EXOC4: variants seen among roughly 807,000 people sequenced by gnomAD.
EXOC4 encodes the protein exocyst complex component 4.
Under a neutral mutation model 107.2 loss-of-function variants are expected in EXOC4, and 71 were observed. The observed-to-expected ratio is 0.66, with a 90% CI of 0.55 to 0.81. EXOC4 has a LOEUF of 0.81. EXOC4 is among the 30% of genes least tolerant of loss of function. The probability of loss-of-function intolerance (pLI) is 0.00; values close to 1 mark genes in which losing one functional copy is unlikely to be tolerated. For synonymous variants in EXOC4, 456 were observed against 441.2 expected, an observed-to-expected ratio of 1.03 and a Z score of -0.42; for missense variants, 1,108 against 1,189.6, an observed-to-expected ratio of 0.93 and a Z score of 1.01.
At chr7:133,450,736 A>G (rs145614407) in intron 7 of EXOC4, among the ~76,000 whole-genome samples, 6 of 152,338 alleles carry the variant, frequency 3.9e-5, no homozygotes, top group Admixed American at 6.5e-5. Flanking sequence ...CTGTATCACT[A>G]TCTGGCTTCC....
intron 10 of EXOC4, among the ~76,000 whole-genome samples, chr7:133,715,683 T>C (rs1794985641): frequency 6.6e-6 from 1 of 152,170 alleles, no homozygotes; most frequent in Non-Finnish European, 1.5e-5. Flanking sequence ...CTGACCACTT[T>C]CTACCTCTTC....
At chr7:133,721,428 T>G (rs1795102634) in intron 10 of EXOC4, among the ~76,000 whole-genome samples, 1 of 152,158 alleles carries the variant, frequency 6.6e-6, no homozygotes. Flanking sequence ...GGGTGGTGTG[T>G]CAGAAAAACG....
chr7:133,586,638 A>G (rs751060272), intron 9 of EXOC4, among the ~76,000 whole-genome samples: 6 of 152,208 alleles, frequency 3.9e-5, no homozygotes, highest in East Asian at 1.9e-4. Flanking sequence ...TATATACCCA[A>G]TAATGGGATT....
At chr7:133,766,730 A>G (rs1796145485) in intron 10 of EXOC4, among the ~76,000 whole-genome samples, 1 of 152,028 alleles carries the variant, frequency 6.6e-6, no homozygotes, top group Non-Finnish European at 1.5e-5. Context: ...AATGATTCTC[A>G]AAGACCTAAT....
intron 7 of EXOC4, among the ~76,000 whole-genome samples, chr7:133,387,393 C>T (rs1325423103): frequency 1.3e-5 from 2 of 152,130 alleles, no homozygotes. Context: ...AAAAACTAGA[C>T]ATCGGTGCTC....
chr7:133,877,196 A>C (rs982901650), intron 11 of EXOC4, among the ~76,000 whole-genome samples: 3 of 151,982 alleles, frequency 2.0e-5, no homozygotes, highest in Admixed American at 2.0e-4. Context: ...GTTTTTAGAC[A>C]TAGGACCCTA....
At chr7:133,976,440 G>A (rs578078111) in intron 14 of EXOC4, among the ~76,000 whole-genome samples, 2 of 152,332 alleles carry the variant, frequency 1.3e-5, no homozygotes, top group South Asian at 2.1e-4. Context: ...TTGAGAAATT[G>A]TGGAGCATGT....
intron 7 of EXOC4, among the ~76,000 whole-genome samples, chr7:133,468,041 A>T (rs1798775157): frequency 6.6e-6 from 1 of 152,182 alleles, no homozygotes; most frequent in Admixed American, 6.5e-5. Context: ...TGTTAAATAA[A>T]TATATAATTT....
At chr7:134,032,745 T>C (rs1312308198) in intron 17 of EXOC4, among the ~76,000 whole-genome samples, 1 of 152,168 alleles carries the variant, frequency 6.6e-6, no homozygotes, top group Non-Finnish European at 1.5e-5. Flanking sequence ...ATGAAAGCAA[T>C]TAGAAAATTA....
chr7:133,327,338 G>A (rs548386063), intron 5 of EXOC4, among the ~76,000 whole-genome samples: 7 of 152,230 alleles, frequency 4.6e-5, no homozygotes, highest in Middle Eastern at 3.4e-3. Flanking sequence ...GTTCTTGTTC[G>A]GCTATCTTGG....
At chr7:134,050,665 T>C (rs1318246355) in intron 17 of EXOC4, among the ~76,000 whole-genome samples, 1 of 152,096 alleles carries the variant, frequency 6.6e-6, no homozygotes, top group African/African-American at 2.4e-5. Context: ...TAAGTATTAT[T>C]CAGGGGACAG....
rs866126409 is a variant in EXOC4, at chr7:133,335,394, C to T, written c.763+18004C>T. Among the ~76,000 whole-genome samples, 23 of 152,252 alleles carry T rather than the reference C, an allele frequency of 1.5e-4. 1 individual carries two copies. Among genetic ancestry groups the T allele is most frequent in the African/African-American group, 4.8e-4 (20 of 41,552 alleles). ...CCACCAACCCCTGGCGGCCCCCATTCTACTTTCTGTTTCTATTAATTTGAC... is the reference window on the plus strand; with the variant it reads ...CCACCAACCCCTGGCGGCCCCCATTTTACTTTCTGTTTCTATTAATTTGAC... On this transcript the variant is annotated intron_variant, in intron 5 of 17. Transcript: ENST00000253861.
intron 17 of EXOC4, among the ~76,000 whole-genome samples, chr7:134,050,214 G>T (rs893464578): frequency 2.0e-5 from 3 of 152,340 alleles, no homozygotes; most frequent in Middle Eastern, 3.4e-3. Context: ...AATGGTGGGA[G>T]AGAGGCTTTA....
At chr7:133,266,933 C>T (rs1157941716) in intron 1 of EXOC4, among the ~76,000 whole-genome samples, 1 of 152,130 alleles carries the variant, frequency 6.6e-6, no homozygotes, top group Non-Finnish European at 1.5e-5. Flanking sequence ...TGATGTGTCT[C>T]CTTTTGCCTG....
intron 9 of EXOC4, among the ~76,000 whole-genome samples, chr7:133,609,659 G>A (rs1035893994): frequency 6.6e-6 from 1 of 152,188 alleles, no homozygotes; most frequent in East Asian, 1.9e-4. Context: ...CCTTACATGT[G>A]ATTTTATCCT....
rs139415615 is a variant in EXOC4 at position 133,342,529 on chromosome 7, T to C, written c.764-13801T>C. Among the ~76,000 whole-genome samples, 378 of 152,304 alleles carry C rather than the reference T, an allele frequency of 2.5e-3. 1 individual carries two copies. The highest frequency in any genetic ancestry group is 8.3e-3 in the African/African-American group (344 of 41,560). ...GGTGATCTCTTTGCTATGAATTTAC[T>C]GTGTGTTCTTTGAGCTTCTTTTATT... On this transcript the variant is annotated intron_variant, in intron 5 of 17. Coordinates refer to ENST00000253861, the MANE Select transcript of EXOC4 (RefSeq NM_021807.4).
intron 7 of EXOC4, among the ~76,000 whole-genome samples, chr7:133,448,959 T>C (rs1362903958): frequency 6.6e-6 from 1 of 151,838 alleles, no homozygotes; most frequent in East Asian, 1.9e-4. Context: ...ACAAAAATTA[T>C]CTGGGTGTGG....
intron 10 of EXOC4, chr7:133,732,890 CCATCAGTAGTCTTGA>C (rs1278041858): frequency 6.2e-6 from 1 of 161,192 alleles, no homozygotes; most frequent in East Asian, 1.9e-4. Flanking sequence ...AAGCAAATAA[CCATCAGTAGTCTTGA>C]CATCAACATG....
chr7:133,410,683 G>A lies in EXOC4; in HGVS notation c.1182+35681G>A, dbSNP rs55661630. 1.9e-3 allele frequency among the ~76,000 whole-genome samples: 288 copies of A among 152,254 alleles called. No individual in the cohort carries two copies. The Middle Eastern group carries it at 0.034, about 18-fold the overall frequency. Reference sequence around the variant, plus strand: ...CTTCTAATAAATGTTCATTGAGAAAGTTATAGAATATGGAGAAAATGAAAT... The same window carrying A: ...CTTCTAATAAATGTTCATTGAGAAAATTATAGAATATGGAGAAAATGAAAT... On this transcript the variant is annotated intron_variant, in intron 7 of 17. Transcript: ENST00000253861.
Sources: gnomAD v4.1 joint callset for allele counts (sites outside exome capture counted in the v4.1 genomes callset) on GRCh38, gnomAD v4.1.1 for gene constraint, MANE v1.5 for transcripts, NCBI Gene and HGNC (gene_info 2026-07-23, HGNC 2026-07-21) for gene names.